PSAT1: variants seen among roughly 807,000 people sequenced by gnomAD.
PSAT1 encodes phosphoserine aminotransferase.
In PSAT1, 41 loss-of-function variants were observed where a neutral mutation model predicts 40.3. The ratio of observed to expected loss-of-function variants is 1.02; its 90% CI spans 0.79 to 1.32. The LOEUF (loss-of-function observed/expected upper bound fraction) is 1.32, where lower values mean the gene tolerates loss of function less well. Among genes scored for constraint, PSAT1 ranks in the 40% most tolerant of loss-of-function variants. The pLI, the probability that PSAT1 is intolerant of heterozygous loss-of-function variation, is 0.00. For synonymous variants in PSAT1, 147 were observed against 170.5 expected, an observed-to-expected ratio of 0.86 and a Z score of 1.07; for missense variants, 406 against 455.8, an observed-to-expected ratio of 0.89 and a Z score of 0.99.
chr9:78,307,194 C>T (rs1045382799), intron 5 of PSAT1, among the ~76,000 whole-genome samples: 2 of 152,168 alleles, frequency 1.3e-5, no homozygotes, highest in African/African-American at 4.8e-5. Context: ...ACACTAACTC[C>T]CTCTCTCCCC....
rs1388260896 is a variant in PSAT1 at position 78,328,137 on chromosome 9, G to A, written c.956G>A (p.Arg319Lys). The change falls in exon 8 of 9, where the codon AGA becomes AAA. Residue 319 changes from arginine (R) to lysine (K), a missense_variant. Coordinates refer to ENST00000376588, the MANE Select transcript of PSAT1 (RefSeq NM_058179.4). ...NAKGDDALEK[R>K]FLDKALELNM... ...AAAGGAGATGATGCTTTAGAAAAAA[G>A]ATTTCTTGATAAAGCTCTTGAACTC... is the stretch of plus-strand genomic sequence containing the variant. 6.2e-7 allele frequency: 1 copy of A among 1,613,196 alleles called. No homozygotes were observed. Among genetic ancestry groups the A allele is most frequent in the African/African-American group, 1.3e-5 (1 of 74,892 alleles).
chr9:78,316,288 C>T (rs914984663), intron 6 of PSAT1, among the ~76,000 whole-genome samples: 9 of 152,150 alleles, frequency 5.9e-5, no homozygotes, highest in Non-Finnish European at 1.2e-4. Context: ...TCCTGAGCTG[C>T]GGGAAGGGCC....
intron 6 of PSAT1, among the ~76,000 whole-genome samples, chr9:78,316,200 A>G (rs1199650896): frequency 2.6e-5 from 4 of 152,220 alleles, no homozygotes; most frequent in African/African-American, 4.8e-5. Flanking sequence ...TGTGTGGCCC[A>G]CCTGCCACGT....
chr9:78,327,496 A>G (rs749621747), intron 7 of PSAT1, among the ~76,000 whole-genome samples: 4 of 152,214 alleles, frequency 2.6e-5, no homozygotes, highest in Admixed American at 6.5e-5. Flanking sequence ...TGGTTGAGGT[A>G]GGTTCCTCTA....
At chr9:78,324,810 G>C (rs1345873116) in intron 7 of PSAT1, among the ~76,000 whole-genome samples, 1 of 152,126 alleles carries the variant, frequency 6.6e-6, no homozygotes, top group African/African-American at 2.4e-5. Flanking sequence ...AAATGTGAGA[G>C]AGCTTGTTTG....
rs775566614 is a variant in PSAT1 at position 78,308,360 on chromosome 9, A to C, written c.571-54A>C. On this transcript the variant is annotated intron_variant, in intron 5 of 8. Transcript: ENST00000376588. ...GGGAAGAGTTGGGAAGTTTGCATACATGTATGAAAAATGGCCAAATCCTTC... is the reference window on the plus strand; with the variant it reads ...GGGAAGAGTTGGGAAGTTTGCATACCTGTATGAAAAATGGCCAAATCCTTC... 3.2e-6 allele frequency: 5 copies of C among 1,580,142 alleles called. No individual in the cohort carries two copies. In the East Asian group the frequency reaches 1.1e-4, roughly 35 times the overall value.
At chr9:78,328,510 T>C (rs958622962) in intron 8 of PSAT1, among the ~76,000 whole-genome samples, 1 of 151,642 alleles carries the variant, frequency 6.6e-6, no homozygotes, top group African/African-American at 2.4e-5. Flanking sequence ...GTTCTGGAGG[T>C]AGAGAATCAT....
At chr9:78,328,565 T>C (rs1564021064) in intron 8 of PSAT1, among the ~76,000 whole-genome samples, 2 of 152,162 alleles carry the variant, frequency 1.3e-5, no homozygotes, top group South Asian at 2.1e-4. Context: ...TCTTGCATGC[T>C]CTATGAAAAA....
At chr9:78,298,205 A>G in intron 1 of PSAT1, 1 of 615,494 alleles carries the variant, frequency 1.6e-6, no homozygotes, top group Non-Finnish European at 2.0e-6. Context: ...ACCCGCAGTG[A>G]AGAAGGCAAA....
In PSAT1 at chr9:78,317,728, G is replaced by T. The variant is rs764335664; in HGVS notation, c.793G>T (p.Ala265Ser). The stretch of plus-strand genomic sequence containing the variant: ...GTGGATTAAAAACAATGGAGGTGCC[G>T]CGGCCATGGAGAAGCTTAGCTCCAT... ...LEWIKNNGGAAAMEKLSSIKS... is the reference protein window; with the variant it reads ...LEWIKNNGGASAMEKLSSIKS... The change falls in exon 7 of 9, where the codon GCG becomes TCG. Residue 265 changes from alanine (A) to serine (S), a missense_variant. By Grantham distance (99) the Ala-to-Ser change is moderately conservative. Transcript: ENST00000376588. 1.9e-6 allele frequency: 3 copies of T among 1,613,610 alleles called. No individual in the cohort carries two copies. The highest frequency in any genetic ancestry group is 2.7e-5 in the African/African-American group (2 of 74,896).
chr9:78,300,817 G>A (rs550264940), intron 2 of PSAT1, among the ~76,000 whole-genome samples, 155 bp downstream of exon 2: 1 of 148,016 alleles, frequency 6.8e-6, no homozygotes, highest in South Asian at 2.2e-4. Flanking sequence ...CTGGGCTCAA[G>A]TGACCCTCCT....
intron 2 of PSAT1, 47 bp downstream of exon 2, chr9:78,300,709 GC>G (rs766580734): frequency 3.7e-5 from 43 of 1,176,062 alleles, no homozygotes; most frequent in Admixed American, 1.7e-4. Context: ...TTCAAAGGAA[GC>G]TTTTTTTTTT....
At chr9:78,324,064 C>T (rs1489730888) in intron 7 of PSAT1, among the ~76,000 whole-genome samples, 1 of 152,146 alleles carries the variant, frequency 6.6e-6, no homozygotes, top group African/African-American at 2.4e-5. Flanking sequence ...TCCCCTCCTC[C>T]AGTACCTTGG....
chr9:78,321,010 TC>T (rs34224073), intron 7 of PSAT1, among the ~76,000 whole-genome samples: 112,382 of 151,530 alleles, frequency 0.74, 41,793 homozygotes, highest in African/African-American at 0.79. Flanking sequence ...CTCTCCTGAA[TC>T]CCCCCCCGCC....
At chr9:78,322,009 C>T (rs940791194) in intron 7 of PSAT1, among the ~76,000 whole-genome samples, 6 of 152,124 alleles carry the variant, frequency 3.9e-5, no homozygotes, top group African/African-American at 1.4e-4. Context: ...GTGGTTGGCA[C>T]ACAGGAAGCA....
chr9:78,306,271 G>A, intron 4 of PSAT1, 43 bp from the exon 5 acceptor site: 2 of 1,606,626 alleles, frequency 1.2e-6, no homozygotes, highest in South Asian at 2.2e-5. Context: ...AAGGAAAGAG[G>A]AGAGTGAAAA....
chr9:78,317,824 C>G lies in PSAT1; in HGVS notation c.869+20C>G. 1.9e-6 allele frequency: 3 copies of G among 1,610,558 alleles called. No individual in the cohort carries two copies. The highest frequency in any genetic ancestry group is 2.5e-6 in the Non-Finnish European group (3 of 1,178,458). ...CTACGTGTAAGTCAATGGATTTTAT[C>G]TCCTATTTTGCCTCTTGTGAATTTA... On this transcript the variant is annotated intron_variant, in intron 7 of 8. Transcript: ENST00000376588.
intron 8 of PSAT1, among the ~76,000 whole-genome samples, chr9:78,328,594 A>G (rs181283561): frequency 6.6e-6 from 1 of 151,412 alleles, no homozygotes; most frequent in Non-Finnish European, 1.5e-5. Flanking sequence ...CTCACATGAG[A>G]ATAGCAGCAG....
intron 7 of PSAT1, among the ~76,000 whole-genome samples, chr9:78,323,155 A>G (rs1828452657): frequency 6.6e-6 from 1 of 152,220 alleles, no homozygotes; most frequent in South Asian, 2.1e-4. Flanking sequence ...GTAATATGGA[A>G]TGACTGCATT....
Sources: allele counts gnomAD v4.1 joint callset (sites outside exome capture counted in the v4.1 genomes callset), GRCh38; gene constraint gnomAD v4.1.1; transcripts MANE v1.5; gene names NCBI Gene and HGNC (gene_info 2026-07-23, HGNC 2026-07-21).